The following PARP8 variants were observed in gnomAD, a reference collection of about 807,000 sequenced individuals.
PARP8 encodes the protein poly(ADP-ribose) polymerase family member 8.
A neutral mutation model predicts 124.1 loss-of-function variants in PARP8; 51 were observed. The observed-to-expected ratio is 0.41, with a 90% CI of 0.33 to 0.52. The LOEUF is 0.52. Among genes scored for constraint, PARP8 ranks in the 20% least tolerant of loss-of-function variants. The probability of loss-of-function intolerance (pLI) is 0.21; values close to 1 mark genes in which losing one functional copy is unlikely to be tolerated. For synonymous variants in PARP8, 391 were observed against 361.5 expected, an observed-to-expected ratio of 1.08 and a Z score of -0.93; for missense variants, 860 against 1,018.9, an observed-to-expected ratio of 0.84 and a Z score of 2.12.
At chr5:50,759,539 G>A in intron 3 of PARP8, 104 bp from the exon 4 acceptor site, 1 of 1,247,218 alleles carries the variant, frequency 8.0e-7, no homozygotes, top group Non-Finnish European at 1.1e-6. Context: ...TGCTTTATGA[G>A]AGTTGGAACT....
At chr5:50,772,458 A>G (rs544223845) in intron 7 of PARP8, among the ~76,000 whole-genome samples, 48 of 152,172 alleles carry the variant, frequency 3.2e-4, no homozygotes, top group Non-Finnish European at 6.6e-4. Context: ...ACCAATTTAC[A>G]TTCCCACCAG....
chr5:50,745,729 A>G (rs1477221949), intron 2 of PARP8, among the ~76,000 whole-genome samples: 1 of 152,224 alleles, frequency 6.6e-6, no homozygotes, highest in Non-Finnish European at 1.5e-5. Flanking sequence ...TCAGCTTAGT[A>G]CTGAGTATAA....
chr5:50,690,193 A>ACCTC (rs1200531690), intron 2 of PARP8, among the ~76,000 whole-genome samples: 2 of 152,110 alleles, frequency 1.3e-5, no homozygotes, highest in African/African-American at 4.8e-5. Context: ...ATAAGTTCAT[A>ACCTC]CCTCTTTTCC....
intron 2 of PARP8, chr5:50,669,321 GATTAA>G (rs1480202199): frequency 6.6e-6 from 1 of 152,308 alleles, no homozygotes; most frequent in Middle Eastern, 3.4e-3. Context: ...AGACTTGGTT[GATTAA>G]ATTAACGCTG....
chr5:50,668,002 C>G, intron 1 of PARP8, 69 bp from the exon 2 acceptor site: 1 of 1,609,308 alleles, frequency 6.2e-7, no homozygotes, highest in Admixed American at 1.7e-5. Flanking sequence ...GAATGTGGGG[C>G]TCAAGTCCTG....
intron 14 of PARP8, among the ~76,000 whole-genome samples, chr5:50,806,614 G>A (rs548023911): frequency 6.6e-6 from 1 of 152,104 alleles, no homozygotes; most frequent in South Asian, 2.1e-4. Context: ...AAGGAAATCA[G>A]AAAACGTTCT....
intron 7 of PARP8, among the ~76,000 whole-genome samples, chr5:50,773,026 G>GT (rs765888038): frequency 6.6e-6 from 1 of 151,934 alleles, no homozygotes; most frequent in Non-Finnish European, 1.5e-5. Context: ...CAGATTATTT[G>GT]TTTGTTTGTT....
At chr5:50,729,308 G>T (rs1756743664) in intron 2 of PARP8, among the ~76,000 whole-genome samples, 1 of 151,748 alleles carries the variant, frequency 6.6e-6, no homozygotes, top group African/African-American at 2.4e-5. Context: ...AGCATACAGG[G>T]GAAAAAACTT....
intron 7 of PARP8, among the ~76,000 whole-genome samples, chr5:50,777,515 C>T (rs1740163110): frequency 6.6e-6 from 1 of 151,692 alleles, no homozygotes; most frequent in Non-Finnish European, 1.5e-5. Flanking sequence ...CTCATAATTC[C>T]TTCCTGTAGA....
intron 2 of PARP8, among the ~76,000 whole-genome samples, chr5:50,693,492 A>G (rs111973260): frequency 2.6e-5 from 4 of 152,266 alleles, no homozygotes; most frequent in African/African-American, 9.6e-5. Flanking sequence ...GACTAATTCT[A>G]AGGTTTTTAA....
At chr5:50,797,676 A>G (rs1353309484) in intron 14 of PARP8, among the ~76,000 whole-genome samples, 2 of 152,218 alleles carry the variant, frequency 1.3e-5, no homozygotes, top group South Asian at 2.1e-4. Flanking sequence ...GAGGATCCCA[A>G]TAAAGATTTC....
intron 7 of PARP8, among the ~76,000 whole-genome samples, chr5:50,766,455 G>T (rs1237560141): frequency 6.6e-6 from 1 of 152,120 alleles, no homozygotes; most frequent in Non-Finnish European, 1.5e-5. Flanking sequence ...TTTAGAAAGG[G>T]AATTACAGAT....
intron 14 of PARP8, among the ~76,000 whole-genome samples, chr5:50,814,622 G>A (rs1744877696): frequency 2.0e-5 from 3 of 152,044 alleles, no homozygotes; most frequent in Non-Finnish European, 4.4e-5. Context: ...ATGATGTTCA[G>A]AATGGGGCCA....
intron 2 of PARP8, among the ~76,000 whole-genome samples, chr5:50,736,730 C>G (rs549177967): frequency 9.2e-5 from 14 of 152,192 alleles, no homozygotes; most frequent in African/African-American, 3.1e-4. Context: ...GAAAAACACC[C>G]AAGATCTTTT....
chr5:50,727,516 C>A (rs940829200), intron 2 of PARP8, among the ~76,000 whole-genome samples: 9 of 152,160 alleles, frequency 5.9e-5, no homozygotes, highest in African/African-American at 2.2e-4. Context: ...TAAAATACTT[C>A]TGTTAATGTA....
intron 16 of PARP8, 125 bp downstream of exon 16, chr5:50,821,463 A>C: frequency 1.9e-6 from 2 of 1,048,696 alleles, no homozygotes; most frequent in Non-Finnish European, 2.8e-6. Context: ...CATATCCATG[A>C]GTATTTAATT....
intron 2 of PARP8, among the ~76,000 whole-genome samples, chr5:50,708,563 A>T (rs1561272523): frequency 1.3e-5 from 2 of 152,024 alleles, no homozygotes; most frequent in Non-Finnish European, 2.9e-5. Context: ...ACTACTGTGC[A>T]GTGTTGCTGG....
At chr5:50,681,489 A>G (rs968607183) in intron 2 of PARP8, among the ~76,000 whole-genome samples, 1 of 152,090 alleles carries the variant, frequency 6.6e-6, no homozygotes, top group African/African-American at 2.4e-5. Context: ...AGGGATGGTA[A>G]CATTCCTTTT....
At chr5:50,711,766 A>G (rs1336660392) in intron 2 of PARP8, among the ~76,000 whole-genome samples, 4 of 152,100 alleles carry the variant, frequency 2.6e-5, no homozygotes, top group East Asian at 1.9e-4. Flanking sequence ...TTTAAAGTCA[A>G]TTCAGTATAG....
Sources: allele counts gnomAD v4.1 joint callset (sites outside exome capture counted in the v4.1 genomes callset), GRCh38; gene constraint gnomAD v4.1.1; transcripts MANE v1.5; gene names NCBI Gene and HGNC (gene_info 2026-07-23, HGNC 2026-07-21).